Variants in CYB5R4 observed in about 807,000 individuals in gnomAD.
The protein encoded by CYB5R4 is N-terminal cytochrome b5 and cytochrome b5 oxidoreductase domain-containing protein.
In CYB5R4, 55 loss-of-function variants were observed where a neutral mutation model predicts 70.2. The observed-to-expected ratio is 0.78, with a 90% CI of 0.63 to 0.98. The LOEUF (loss-of-function observed/expected upper bound fraction) is 0.98, where lower values mean the gene tolerates loss of function less well. Among genes scored for constraint, CYB5R4 ranks in the 50% least tolerant of loss-of-function variants. The probability of loss-of-function intolerance (pLI) is 0.00; values close to 1 mark genes in which losing one functional copy is unlikely to be tolerated. For synonymous variants in CYB5R4, 197 were observed against 199.5 expected, an observed-to-expected ratio of 0.99 and a Z score of 0.11; for missense variants, 562 against 612.6, an observed-to-expected ratio of 0.92 and a Z score of 0.87.
At chr6:83,894,604 A>G (rs2099461581) in intron 3 of CYB5R4, among the ~76,000 whole-genome samples, 1 of 152,200 alleles carries the variant, frequency 6.6e-6, no homozygotes. Context: ...TATAACTTTT[A>G]ACTTCCCAAA....
In CYB5R4 at chr6:83,859,836, C is replaced by T. The variant is rs1321492533; in HGVS notation, c.54C>T (p.Val18=). Residue 18 remains valine (V), a synonymous_variant, in exon 1 of 16, where the codon GTC becomes GTT. Transcript: ENST00000369681. ...CGGCCCCCAGGTCGCAGCAGCGTGT[C>T]GCCTCCGGGGGGCGTAGCAAGGTAA... ...SFPAPRSQQR[V]ASGGRSKVPL... The T allele has an allele frequency of 6.2e-7, 1 of 1,613,202 alleles. No homozygotes were observed. The highest frequency in any genetic ancestry group is 8.5e-7 in the Non-Finnish European group (1 of 1,179,784).
intron 2 of CYB5R4, among the ~76,000 whole-genome samples, chr6:83,877,239 A>T (rs1384457839): frequency 2.6e-5 from 4 of 152,128 alleles, no homozygotes; most frequent in Non-Finnish European, 4.4e-5. Context: ...CATTGAGCAT[A>T]CATTTCTAGA....
chr6:83,876,134 C>T (rs1304816957), intron 2 of CYB5R4, among the ~76,000 whole-genome samples: 1 of 152,140 alleles, frequency 6.6e-6, no homozygotes, highest in Non-Finnish European at 1.5e-5. Flanking sequence ...TAAGAAACTT[C>T]GTTATTTCTG....
At chr6:83,910,599 T>C (rs1234981386) in intron 4 of CYB5R4, among the ~76,000 whole-genome samples, 1 of 152,220 alleles carries the variant, frequency 6.6e-6, no homozygotes, top group Non-Finnish European at 1.5e-5. Flanking sequence ...GACTGACTGA[T>C]GTTTTGTTTG....
chr6:83,961,967 TC>T lies in CYB5R4; in HGVS notation c.*2091del, dbSNP rs2099473419. ...TATTTTGTTTATATTTTAAAACAAA[TC>T]CATAAGTGTCTCCTGGGTAATCTCC... On this transcript the variant is annotated 3_prime_UTR_variant, in exon 16 of 16. Coordinates refer to ENST00000369681, the MANE Select transcript of CYB5R4 (RefSeq NM_016230.4). 2 of 152,082 alleles carry T rather than the reference TC, an allele frequency of 1.3e-5. No homozygotes were observed. The highest frequency in any genetic ancestry group is 1.3e-4 in the Admixed American group (2 of 15,258). 9.4% of individuals were successfully genotyped at this position (152,082 alleles called of 1,614,324 possible).
intron 1 of CYB5R4, among the ~76,000 whole-genome samples, chr6:83,863,762 A>G (rs1257565615): frequency 6.6e-6 from 1 of 152,246 alleles, no homozygotes; most frequent in Non-Finnish European, 1.5e-5. Context: ...TTATAAAACA[A>G]TGCAATACAA....
At chr6:83,920,189 C>T (rs2099466155) in intron 7 of CYB5R4, among the ~76,000 whole-genome samples, 1 of 152,172 alleles carries the variant, frequency 6.6e-6, no homozygotes, top group African/African-American at 2.4e-5. Context: ...GAGGTTCCCA[C>T]ACTTTGAGGG....
At chr6:83,945,852 C>T (rs1277772576) in intron 14 of CYB5R4, among the ~76,000 whole-genome samples, 1 of 152,076 alleles carries the variant, frequency 6.6e-6, no homozygotes, top group African/African-American at 2.4e-5. Flanking sequence ...GACACATACA[C>T]CCTCCCAAGA....
In CYB5R4 at chr6:83,864,172, TAGG is replaced by T. The variant is rs1271473271; in HGVS notation, c.76-2_76del. On this transcript the variant is annotated splice_acceptor_variant and coding_sequence_variant, in exon 2 of 16. Coordinates refer to ENST00000369681, the MANE Select transcript of CYB5R4 (RefSeq NM_016230.4). LOFTEE classifies it high-confidence loss of function. Reference sequence around the variant, plus strand: ...ATTTAATTCTTCCTTTTTCCATTTTTAGGTACCTTTAAAACAGGGCAGAAGCCT... The same window carrying T: ...ATTTAATTCTTCCTTTTTCCATTTTTTACCTTTAAAACAGGGCAGAAGCCT... 6.5e-7 allele frequency: 1 copy of T among 1,548,608 alleles called. No individual in the cohort carries two copies. The highest frequency in any genetic ancestry group is 1.4e-5 in the African/African-American group (1 of 71,768).
At chr6:83,909,214 G>T (rs1588572824) in intron 4 of CYB5R4, 124 bp downstream of exon 4, 3 of 628,782 alleles carry the variant, frequency 4.8e-6, no homozygotes, top group East Asian at 2.8e-5. Context: ...TGGCCTCCTG[G>T]TCTAGCCACT....
intron 10 of CYB5R4, among the ~76,000 whole-genome samples, chr6:83,933,388 T>C (rs150740207): frequency 2.0e-3 from 300 of 152,324 alleles, no homozygotes; most frequent in African/African-American, 5.4e-3. Context: ...TTGGATTCAT[T>C]TGTGACTAAA....
chr6:83,914,770 C>T (rs954319466), intron 5 of CYB5R4, among the ~76,000 whole-genome samples: 1 of 151,084 alleles, frequency 6.6e-6, no homozygotes, highest in Admixed American at 6.6e-5. Context: ...CTCCTGACCT[C>T]GTGATCTGCC....
chr6:83,900,992 G>T (rs2099462853), intron 3 of CYB5R4, among the ~76,000 whole-genome samples: 1 of 152,230 alleles, frequency 6.6e-6, no homozygotes, highest in Non-Finnish European at 1.5e-5. Flanking sequence ...TGTTATGTGT[G>T]AATTTGATCC....
chr6:83,882,769 C>G (rs1489143063), intron 2 of CYB5R4, among the ~76,000 whole-genome samples: 2 of 152,062 alleles, frequency 1.3e-5, no homozygotes, highest in African/African-American at 4.8e-5. Context: ...GGGTGGATCA[C>G]GAGATCAGGA....
At chr6:83,883,244 AAAATGTTTAAT>A (rs1382545319) in intron 2 of CYB5R4, among the ~76,000 whole-genome samples, 1 of 152,184 alleles carries the variant, frequency 6.6e-6, no homozygotes, top group Non-Finnish European at 1.5e-5. Context: ...AGACAAAATA[AAAATGTTTAAT>A]AAATGTGTCA....
chr6:83,955,083 C>G (rs1263372827), intron 14 of CYB5R4, among the ~76,000 whole-genome samples: 2 of 152,004 alleles, frequency 1.3e-5, no homozygotes, highest in Admixed American at 1.3e-4. Flanking sequence ...AAATTACATT[C>G]CTTATCTATA....
At chr6:83,871,802 T>G (rs2099457676) in intron 2 of CYB5R4, among the ~76,000 whole-genome samples, 1 of 152,164 alleles carries the variant, frequency 6.6e-6, no homozygotes, top group Non-Finnish European at 1.5e-5. Context: ...TTTATTTCTT[T>G]AATGTCTTTA....
At chr6:83,907,014 T>C (rs1257700321) in intron 3 of CYB5R4, among the ~76,000 whole-genome samples, 2 of 152,232 alleles carry the variant, frequency 1.3e-5, no homozygotes, top group African/African-American at 4.8e-5. Context: ...TACCTACATC[T>C]TTATATACAT....
chr6:83,874,566 A>T (rs1219541635), intron 2 of CYB5R4, among the ~76,000 whole-genome samples: 2 of 149,586 alleles, frequency 1.3e-5, no homozygotes, highest in Non-Finnish European at 3.0e-5. Context: ...TGTTCTTACC[A>T]GTCCTTTCCA....
Sources: allele counts gnomAD v4.1 joint callset (sites outside exome capture counted in the v4.1 genomes callset), GRCh38; gene constraint gnomAD v4.1.1; transcripts MANE v1.5; gene names NCBI Gene and HGNC (gene_info 2026-07-23, HGNC 2026-07-21).